Variants in NFATC1 observed in about 807,000 individuals in gnomAD.
The protein encoded by NFATC1 is nuclear factor of activated T-cells, cytoplasmic 1.
In NFATC1, 22 loss-of-function variants were observed where a neutral mutation model predicts 76.0. That is an observed-to-expected ratio of 0.29 (90% CI 0.21 to 0.41). The LOEUF is 0.41. Among genes scored for constraint, NFATC1 ranks in the 10% least tolerant of loss-of-function variants. The pLI, the probability that NFATC1 is intolerant of heterozygous loss-of-function variation, is 1.00. For synonymous variants in NFATC1, 704 were observed against 613.1 expected, an observed-to-expected ratio of 1.15 and a Z score of -2.19; for missense variants, 1,357 against 1,337.7, an observed-to-expected ratio of 1.01 and a Z score of -0.23.
intron 1 of NFATC1, among the ~76,000 whole-genome samples, chr18:79,405,105 C>T (rs529617737): frequency 6.6e-6 from 1 of 152,182 alleles, no homozygotes; most frequent in South Asian, 2.1e-4. Context: ...TCCTAGCACC[C>T]CCAAACCACC....
At position 79,467,333 on chromosome 18, in the gene NFATC1, A is replaced by ATG. The variant is rs1568997670; in HGVS notation, c.1960-117_1960-116insTG. ...GGGTTGCCGTGTGGCCGCCGTGGAA[A>ATG]CGCGGGGTTGCCGTGTGGCCGCCGT... On this transcript the variant is annotated intron_variant, in intron 7 of 9. Transcript: ENST00000427363. 3.0e-6 allele frequency: 3 copies of ATG among 991,236 alleles called. No homozygotes were observed. In the African/African-American group the frequency reaches 6.6e-5, roughly 22 times the overall value. 61.4% of individuals were successfully genotyped at this position (991,236 alleles called of 1,614,324 possible).
chr18:79,469,886 C>T, intron 8 of NFATC1: 8 of 985,492 alleles, frequency 8.1e-6, no homozygotes, highest in Non-Finnish European at 9.6e-6. Context: ...CCGCAACCTG[C>T]ACCAGACTGT....
At chr18:79,434,699 TCAG>T (rs2086711269) in intron 3 of NFATC1, among the ~76,000 whole-genome samples, 1 of 152,262 alleles carries the variant, frequency 6.6e-6, no homozygotes, top group South Asian at 2.1e-4. Flanking sequence ...GAAGGGGTGT[TCAG>T]CAGAGTGCCT....
chr18:79,511,130 C>T (rs1258751924), intron 9 of NFATC1, among the ~76,000 whole-genome samples: 1 of 152,224 alleles, frequency 6.6e-6, no homozygotes, highest in Admixed American at 6.5e-5. Flanking sequence ...TAATGGCCTT[C>T]CTGCCGCACC....
intron 8 of NFATC1, chr18:79,469,652 C>T (rs1245422597): frequency 2.0e-6 from 2 of 985,802 alleles, no homozygotes; most frequent in African/African-American, 3.5e-5. Flanking sequence ...CACCCCCCAT[C>T]TGCTCCAGCA....
intron 4 of NFATC1, among the ~76,000 whole-genome samples, chr18:79,449,923 C>T (rs188156317): frequency 2.0e-3 from 305 of 152,308 alleles, no homozygotes; most frequent in African/African-American, 7.0e-3. Flanking sequence ...GCTTTCTCTC[C>T]ACGTTGACTT....
rs2085386145 is a variant in NFATC1, at chr18:79,405,006, C to T, written c.128-5397C>T. 3.9e-5 allele frequency among the ~76,000 whole-genome samples: 6 copies of T among 152,190 alleles called. No homozygotes were observed. The South Asian group carries it at 6.2e-4, about 16-fold the overall frequency. ...AATTATTTCTCAGAGTGAGAGAGATCGCTTTTAACAGCTCTGACATGTGGA... is the reference window on the plus strand; with the variant it reads ...AATTATTTCTCAGAGTGAGAGAGATTGCTTTTAACAGCTCTGACATGTGGA... On this transcript the variant is annotated intron_variant, in intron 1 of 9. Transcript: ENST00000427363.
intron 1 of NFATC1, among the ~76,000 whole-genome samples, chr18:79,396,734 C>T (rs1264556463): frequency 1.3e-5 from 2 of 151,938 alleles, no homozygotes; most frequent in Non-Finnish European, 2.9e-5. Context: ...AAGGATGCCC[C>T]GTGTCTTCCT....
In NFATC1 at chr18:79,396,005, C is replaced by G. The variant is rs2084991513; in HGVS notation, c.-220C>G. 6.6e-6 allele frequency: 2 copies of G among 305,194 alleles called. No homozygotes were observed. The highest frequency in any genetic ancestry group is 4.5e-5 in the African/African-American group (2 of 44,864). 18.9% of individuals were successfully genotyped at this position (305,194 alleles called of 1,614,324 possible). A position where few individuals can be genotyped will look rare whatever the true frequency, so the allele number is the denominator to read the frequency against. ...CCAGATCCCAGCAGCAGGGCGCGGG[C>G]ACCGGGGCGCGGGCAGGGCTCGGAG... is the stretch of plus-strand genomic sequence containing the variant. On this transcript the variant is annotated 5_prime_UTR_variant, in exon 1 of 10. Transcript: ENST00000427363.
In NFATC1 at chr18:79,527,558, G is replaced by T; in HGVS notation, c.2813G>T (p.Ser938Ile). 6.2e-7 allele frequency: 1 copy of T among 1,614,042 alleles called. No individual in the cohort carries two copies. The change falls in exon 10 of 10, where the codon AGC becomes ATC. Residue 938 changes from serine to isoleucine, a missense_variant. Ser to Ile is a moderately radical substitution (Grantham distance 142). Transcript: ENST00000427363. The part of the protein sequence containing the change: ...VNEIIRNDLS[S>I]TSTHS Reference sequence around the variant, plus strand: ...GAAATAATACGAAATGACCTCTCCAGCACGAGCACCCACTCCTAGTTGCCA... The same window carrying T: ...GAAATAATACGAAATGACCTCTCCATCACGAGCACCCACTCCTAGTTGCCA...
chr18:79,501,791 A>G (rs1031190824), intron 9 of NFATC1, among the ~76,000 whole-genome samples: 3 of 152,144 alleles, frequency 2.0e-5, no homozygotes, highest in African/African-American at 7.2e-5. Flanking sequence ...AGAATAAAAT[A>G]TGAATAACTT....
intron 1 of NFATC1, chr18:79,400,554 C>T (rs2085169216): frequency 8.9e-6 from 11 of 1,235,902 alleles, no homozygotes; most frequent in African/African-American, 1.6e-5. Context: ...CCCTCCGCGT[C>T]CTCGTCGCTC....
chr18:79,443,858 C>T (rs550703408), intron 3 of NFATC1, among the ~76,000 whole-genome samples: 2 of 152,254 alleles, frequency 1.3e-5, no homozygotes, highest in African/African-American at 4.8e-5. Flanking sequence ...CTGGGAAGGG[C>T]TGTGCCACAT....
chr18:79,492,674 A>T lies in NFATC1; in HGVS notation c.2782+5737A>T, dbSNP rs536619451. Among the ~76,000 whole-genome samples, 94 of 149,582 alleles carry T rather than the reference A, an allele frequency of 6.3e-4. 1 individual carries two copies. In the South Asian group the frequency reaches 0.011, roughly 17 times the overall value. ...CAGAGAGCTGAGATCGCGCCACTGC[A>T]CTCCAGCCTGGGTGACAGAGCGAGA... On this transcript the variant is annotated intron_variant, in intron 9 of 9. Coordinates refer to ENST00000427363, the MANE Select transcript of NFATC1 (RefSeq NM_001278669.2).
chr18:79,417,921 G>A (rs1257392876), intron 2 of NFATC1, among the ~76,000 whole-genome samples: 1 of 151,206 alleles, frequency 6.6e-6, no homozygotes, highest in African/African-American at 2.4e-5. Context: ...ATGGGCTGTG[G>A]TGGGAGATGG....
intron 9 of NFATC1, among the ~76,000 whole-genome samples, chr18:79,520,714 T>G (rs55938030): frequency 0.023 from 160 of 7,016 alleles, 2 homozygotes; most frequent in Non-Finnish European, 0.029. Context: ...TATGTGTGTG[T>G]GGGGGGGGGG....
intron 2 of NFATC1, among the ~76,000 whole-genome samples, chr18:79,432,064 G>A (rs1228555961): frequency 6.6e-6 from 1 of 152,154 alleles, no homozygotes; most frequent in Non-Finnish European, 1.5e-5. Context: ...GCCTTCGGGG[G>A]GCTCGGGAGG....
rs369198947 is a variant in NFATC1, at chr18:79,411,205, G to C, written c.930G>C (p.Ser310=). 2 of 1,609,034 alleles carry C rather than the reference G, an allele frequency of 1.2e-6. No homozygotes were observed. The highest frequency in any genetic ancestry group is 1.7e-6 in the Non-Finnish European group (2 of 1,179,854). ...WLGNTTQYTS[S]AIVAAINALT... ...GCAACACCACCCAGTACACCAGCTC[G>C]GCCATCGTGGCCGCCATCAACGCGC... Residue 310 remains serine (S), a synonymous_variant, in exon 2 of 10, where the codon TCG becomes TCC. Coordinates refer to ENST00000427363, the MANE Select transcript of NFATC1 (RefSeq NM_001278669.2).
chr18:79,513,066 A>G (rs2090296562), intron 9 of NFATC1, among the ~76,000 whole-genome samples: 1 of 152,230 alleles, frequency 6.6e-6, no homozygotes, highest in Non-Finnish European at 1.5e-5. Flanking sequence ...AGCGCTTTAA[A>G]AACGGTATCA....
Sources: allele counts gnomAD v4.1 joint callset (sites outside exome capture counted in the v4.1 genomes callset), GRCh38; gene constraint gnomAD v4.1.1; transcripts MANE v1.5; gene names NCBI Gene and HGNC (gene_info 2026-07-23, HGNC 2026-07-21).